The following SLC25A13 variants were observed in gnomAD, a reference collection of about 807,000 sequenced individuals.
The protein encoded by SLC25A13 is electrogenic aspartate/glutamate antiporter SLC25A13, mitochondrial.
Under a neutral mutation model 85.5 loss-of-function variants are expected in SLC25A13, and 70 were observed. The ratio of observed to expected loss-of-function variants is 0.82; its 90% CI spans 0.68 to 1.00. SLC25A13 has a LOEUF of 1.00. Ranked by LOEUF, SLC25A13 falls within the 50% of genes least tolerant of loss-of-function variation. The pLI is 0.00. For synonymous variants in SLC25A13, 259 were observed against 288.7 expected (o/e 0.90, Z 1.04); for missense variants, 765 against 819.8 (o/e 0.93, Z 0.82).
chr7:96,248,679 C>A (rs1443571973), intron 3 of SLC25A13, among the ~76,000 whole-genome samples: 1 of 152,066 alleles, frequency 6.6e-6, no homozygotes, highest in Non-Finnish European at 1.5e-5. Flanking sequence ...AAGTAGTTAG[C>A]AGGAAAAAAA....
intron 5 of SLC25A13, 44 bp downstream of exon 5, chr7:96,208,794 C>T (rs775708361): frequency 3.1e-5 from 50 of 1,611,104 alleles, no homozygotes; most frequent in Non-Finnish European, 4.1e-5. Flanking sequence ...TGTGAGCCAC[C>T]GTGCCCGGCC....
chr7:96,269,347 G>T (rs76555480), intron 3 of SLC25A13, among the ~76,000 whole-genome samples: 1 of 152,146 alleles, frequency 6.6e-6, no homozygotes, highest in Non-Finnish European at 1.5e-5. Context: ...AAGTGCACAG[G>T]CATTTAAATT....
intron 4 of SLC25A13, among the ~76,000 whole-genome samples, chr7:96,210,382 A>G (rs1268565164): frequency 6.6e-6 from 1 of 152,334 alleles, no homozygotes; most frequent in East Asian, 1.9e-4. Context: ...ATTTAAAGGA[A>G]AAACAAACAA....
At chr7:96,249,858 C>T (rs889549735) in intron 3 of SLC25A13, among the ~76,000 whole-genome samples, 2 of 119,148 alleles carry the variant, frequency 1.7e-5, no homozygotes, top group Non-Finnish European at 1.7e-5. Context: ...AAATTGGTTA[C>T]TGTTTTATTT....
chr7:96,195,038 T>G lies in SLC25A13; in HGVS notation c.469-1855A>C, dbSNP rs1795007655. ...TCTCACTCTACTCTCCTAGACAGAG[T>G]GCTCTCTCTCTTAAGCCCTCAAGGA... On this transcript the variant is annotated intron_variant, in intron 5 of 17. Transcript: ENST00000265631. 5.9e-5 allele frequency among the ~76,000 whole-genome samples: 9 copies of G among 152,216 alleles called. No homozygotes were observed. In the South Asian group the frequency reaches 1.9e-3, roughly 32 times the overall value.
At chr7:96,239,964 T>C (rs1200963861) in intron 3 of SLC25A13, among the ~76,000 whole-genome samples, 1 of 152,216 alleles carries the variant, frequency 6.6e-6, no homozygotes, top group African/African-American at 2.4e-5. Flanking sequence ...GAATTGCATC[T>C]GTATGCTATG....
intron 5 of SLC25A13, among the ~76,000 whole-genome samples, chr7:96,200,451 TA>T (rs1244406299): frequency 6.6e-6 from 1 of 152,208 alleles, no homozygotes; most frequent in African/African-American, 2.4e-5. Context: ...AAGATCCACA[TA>T]TTTTTTAACA....
At chr7:96,132,009 A>C in intron 14 of SLC25A13, 128 bp from the exon 15 acceptor site, 1 of 1,174,360 alleles carries the variant, frequency 8.5e-7, no homozygotes, top group Non-Finnish European at 1.2e-6. Context: ...ACACATTGAA[A>C]GGGGAACAGA....
At chr7:96,285,805 TA>T (rs1200842522) in intron 2 of SLC25A13, among the ~76,000 whole-genome samples, 3 of 152,218 alleles carry the variant, frequency 2.0e-5, no homozygotes, top group African/African-American at 7.2e-5. Context: ...CCTGGTGTTT[TA>T]TTTAAATGGC....
intron 4 of SLC25A13, among the ~76,000 whole-genome samples, chr7:96,222,183 A>T (rs901299945): frequency 3.9e-5 from 6 of 152,196 alleles, no homozygotes; most frequent in Non-Finnish European, 1.5e-5. Context: ...GCTTCTCTAT[A>T]GTTACTAAAC....
chr7:96,174,877 A>G (rs545718507), intron 11 of SLC25A13, among the ~76,000 whole-genome samples: 1 of 152,338 alleles, frequency 6.6e-6, no homozygotes, highest in South Asian at 2.1e-4. Context: ...GACTACAAAG[A>G]AGGCAACAAG....
At chr7:96,199,882 C>T (rs1161809416) in intron 5 of SLC25A13, among the ~76,000 whole-genome samples, 1 of 152,000 alleles carries the variant, frequency 6.6e-6, no homozygotes, top group Non-Finnish European at 1.5e-5. Context: ...CTGTCATTTC[C>T]TTAATAATCT....
chr7:96,207,258 A>G (rs1453340790), intron 5 of SLC25A13, among the ~76,000 whole-genome samples: 2 of 152,220 alleles, frequency 1.3e-5, no homozygotes, highest in East Asian at 1.9e-4. Flanking sequence ...AAATTATATG[A>G]ATCATAATAA....
chr7:96,275,957 A>G (rs1159201517), intron 3 of SLC25A13, among the ~76,000 whole-genome samples: 1 of 152,240 alleles, frequency 6.6e-6, no homozygotes, highest in Non-Finnish European at 1.5e-5. Context: ...TATTCGAAGT[A>G]CATAAAGACA....
chr7:96,186,085 G>A (rs1191444594), intron 9 of SLC25A13, among the ~76,000 whole-genome samples: 3 of 152,086 alleles, frequency 2.0e-5, no homozygotes, highest in Non-Finnish European at 2.9e-5. Flanking sequence ...AGCATAAATA[G>A]AGAGATGTTT....
intron 13 of SLC25A13, among the ~76,000 whole-genome samples, chr7:96,166,170 T>A (rs1793733132): frequency 6.6e-6 from 1 of 152,146 alleles, no homozygotes; most frequent in Admixed American, 6.5e-5. Flanking sequence ...CAAAATGCAG[T>A]CAAAATGAAT....
In SLC25A13 at chr7:96,288,040, C is replaced by A. The variant is rs553285982; in HGVS notation, c.69+8858G>T. 1.8e-4 allele frequency among the ~76,000 whole-genome samples: 27 copies of A among 152,326 alleles called. No homozygotes were observed. In the East Asian group the frequency reaches 4.8e-3, roughly 27 times the overall value. ...CTCATTCCAACCATGGTGGTCCCAA[C>A]ATGCACAACCATAGAGATCAGCTTA... On this transcript the variant is annotated intron_variant, in intron 2 of 17. Transcript: ENST00000265631.
chr7:96,317,465 G>GT (rs1221707626), intron 1 of SLC25A13, among the ~76,000 whole-genome samples: 6 of 152,022 alleles, frequency 3.9e-5, no homozygotes, highest in African/African-American at 1.5e-4. Context: ...TAAGCGCTCA[G>GT]TAAGTGTCAG....
At chr7:96,149,559 T>C (rs1431638655) in intron 13 of SLC25A13, among the ~76,000 whole-genome samples, 2 of 152,152 alleles carry the variant, frequency 1.3e-5, no homozygotes, top group South Asian at 2.1e-4. Flanking sequence ...GAAGAAAGAA[T>C]GTAGTGATAT....
Sources: allele counts gnomAD v4.1 joint callset (sites outside exome capture counted in the v4.1 genomes callset), GRCh38; gene constraint gnomAD v4.1.1; transcripts MANE v1.5; gene names NCBI Gene and HGNC (gene_info 2026-07-23, HGNC 2026-07-21).